The following PLPPR5 variants were observed in gnomAD, a reference collection of about 807,000 sequenced individuals.
PLPPR5 encodes the protein phospholipid phosphatase-related protein type 5.
In PLPPR5, 16 loss-of-function variants were observed where a neutral mutation model predicts 33.9. That is an observed-to-expected ratio of 0.47 (90% CI 0.32 to 0.72). The LOEUF (loss-of-function observed/expected upper bound fraction) is 0.72, where lower values mean the gene tolerates loss of function less well. Among genes scored for constraint, PLPPR5 ranks in the 30% least tolerant of loss-of-function variants. PLPPR5 has a pLI of 0.03. For missense variants in PLPPR5, 301 were observed against 406.7 expected (o/e 0.74, Z 2.23); for synonymous variants, 163 against 150.3 (o/e 1.08, Z -0.62).
chr1:98,935,807 G>T (rs1289654269), intron 3 of PLPPR5, among the ~76,000 whole-genome samples: 1 of 152,300 alleles, frequency 6.6e-6, no homozygotes, highest in South Asian at 2.1e-4. Context: ...AGCAGTGCCA[G>T]AACACTGCTT....
chr1:98,903,274 T>G (rs1177308088), intron 5 of PLPPR5, among the ~76,000 whole-genome samples: 1 of 152,140 alleles, frequency 6.6e-6, no homozygotes, highest in African/African-American at 2.4e-5. Flanking sequence ...TATTCCAATA[T>G]CTAATCACTA....
chr1:98,903,350 A>C (rs1425762116), intron 5 of PLPPR5, among the ~76,000 whole-genome samples: 4 of 152,170 alleles, frequency 2.6e-5, no homozygotes, highest in Non-Finnish European at 5.9e-5. Context: ...TGTAAAACAA[A>C]GATTTGCATT....
Position 98,899,655 on chromosome 1 carries a change from C to CTTT in PLPPR5, c.934-6552_934-6551insAAA, listed in dbSNP as rs1214385487. Among the ~76,000 whole-genome samples, 372 of 138,556 alleles carry CTTT rather than the reference C, an allele frequency of 2.7e-3. 8 individuals carry two copies. The highest frequency in any genetic ancestry group is 9.3e-3 in the African/African-American group (344 of 36,958). 90.9% of individuals were successfully genotyped at this position (138,556 alleles called of 152,430 possible). A position where few individuals can be genotyped will look rare whatever the true frequency, so the allele number is the denominator to read the frequency against. ...CTTCAGAAAATACCTGTTTATTTCA[C>CTTT]TTGTTTTTTTTTTTTTTTTTTGAGA... On this transcript the variant is annotated intron_variant, in intron 5 of 5. Transcript: ENST00000263177.
At chr1:99,001,497 A>G (rs2100769698) in intron 1 of PLPPR5, among the ~76,000 whole-genome samples, 1 of 151,968 alleles carries the variant, frequency 6.6e-6, no homozygotes, top group South Asian at 2.1e-4. Flanking sequence ...CTAGACTCGG[A>G]ACCTGAGCCC....
chr1:98,996,205 G>A (rs1435661500), intron 1 of PLPPR5, among the ~76,000 whole-genome samples: 1 of 151,718 alleles, frequency 6.6e-6, no homozygotes, highest in Non-Finnish European at 1.5e-5. Flanking sequence ...GCATAATAGA[G>A]GTGAGAAGAA....
chr1:98,956,852 A>C, intron 1 of PLPPR5, 111 bp from the exon 2 acceptor site: 1 of 787,948 alleles, frequency 1.3e-6, no homozygotes, highest in Non-Finnish European at 1.8e-6. Flanking sequence ...AATAATCTCA[A>C]TGTAAAACAG....
At chr1:98,930,863 A>T (rs1418192076) in intron 3 of PLPPR5, among the ~76,000 whole-genome samples, 3 of 151,998 alleles carry the variant, frequency 2.0e-5, no homozygotes, top group Non-Finnish European at 4.4e-5. Context: ...AGCTTCCTAC[A>T]TCCATTCCCA....
chr1:98,919,152 A>C (rs1314898044), intron 4 of PLPPR5, among the ~76,000 whole-genome samples: 1 of 152,254 alleles, frequency 6.6e-6, no homozygotes, highest in East Asian at 1.9e-4. Flanking sequence ...AACATGGTTC[A>C]GAGAAGGCCT....
chr1:98,905,358 T>C (rs1445009244), intron 5 of PLPPR5, among the ~76,000 whole-genome samples: 4 of 152,298 alleles, frequency 2.6e-5, no homozygotes, highest in African/African-American at 9.6e-5. Context: ...TTAGGATGTT[T>C]TCTATATTAT....
chr1:98,908,446 A>T (rs539775598), intron 5 of PLPPR5, among the ~76,000 whole-genome samples: 6 of 152,340 alleles, frequency 3.9e-5, no homozygotes, highest in African/African-American at 1.2e-4. Flanking sequence ...TTTCCTAGAA[A>T]GAGTCAGAAA....
chr1:98,953,887 T>C (rs1650900618), intron 2 of PLPPR5, among the ~76,000 whole-genome samples: 1 of 152,162 alleles, frequency 6.6e-6, no homozygotes, highest in Non-Finnish European at 1.5e-5. Flanking sequence ...TTCAGAGTAA[T>C]CTCTACATTG....
At chr1:99,000,760 C>T (rs1466336975) in intron 1 of PLPPR5, among the ~76,000 whole-genome samples, 1 of 152,122 alleles carries the variant, frequency 6.6e-6, no homozygotes, top group Non-Finnish European at 1.5e-5. Context: ...TATATACATA[C>T]ATATGTATAA....
chr1:98,972,180 A>C (rs745798157), intron 1 of PLPPR5, among the ~76,000 whole-genome samples: 2 of 152,108 alleles, frequency 1.3e-5, no homozygotes, highest in Non-Finnish European at 2.9e-5. Context: ...AAGACATTTC[A>C]AAATCACAAT....
chr1:98,955,092 C>G (rs1249579682), intron 2 of PLPPR5, among the ~76,000 whole-genome samples: 1 of 152,018 alleles, frequency 6.6e-6, no homozygotes, highest in Admixed American at 6.6e-5. Context: ...CTAAAGTAAG[C>G]ACTGACCTAA....
At chr1:98,898,204 T>C (rs1648553984) in intron 5 of PLPPR5, among the ~76,000 whole-genome samples, 1 of 152,154 alleles carries the variant, frequency 6.6e-6, no homozygotes, top group Non-Finnish European at 1.5e-5. Context: ...GTGATTACAA[T>C]TGTTGCTCCA....
chr1:98,975,520 T>C (rs1651819148), intron 1 of PLPPR5, among the ~76,000 whole-genome samples: 1 of 152,042 alleles, frequency 6.6e-6, no homozygotes, highest in South Asian at 2.1e-4. Flanking sequence ...ACAAATAAAG[T>C]TGTCAACAGA....
intron 3 of PLPPR5, among the ~76,000 whole-genome samples, chr1:98,929,337 C>G (rs1260763932): frequency 6.6e-6 from 1 of 152,108 alleles, no homozygotes; most frequent in African/African-American, 2.4e-5. Context: ...TAAAACTATA[C>G]ATGTGTTAGG....
chr1:98,946,227 A>C (rs1183809416), intron 3 of PLPPR5, among the ~76,000 whole-genome samples: 4 of 152,164 alleles, frequency 2.6e-5, no homozygotes, highest in Non-Finnish European at 4.4e-5. Flanking sequence ...ACTCTCTACC[A>C]GACCATTTTT....
intron 1 of PLPPR5, among the ~76,000 whole-genome samples, chr1:98,964,973 A>ATTTTTTT (rs566402306): frequency 1.6e-5 from 2 of 121,446 alleles, no homozygotes. Context: ...TTAATTTTTG[A>ATTTTTTT]TTTTTTTTTT....
Sources: allele counts gnomAD v4.1 joint callset (sites outside exome capture counted in the v4.1 genomes callset), GRCh38; gene constraint gnomAD v4.1.1; transcripts MANE v1.5; gene names NCBI Gene and HGNC (gene_info 2026-07-23, HGNC 2026-07-21).